Variants in TEN1 observed in about 807,000 individuals in gnomAD.
TEN1 encodes TEN1 subunit of CST complex.
A neutral mutation model predicts 9.3 loss-of-function variants in TEN1; 6 were observed. That is an observed-to-expected ratio of 0.65 (90% confidence interval 0.35 to 1.27). The LOEUF is 1.27. Ranked by LOEUF, TEN1 falls within the 50% of genes most tolerant of loss-of-function variation. The probability of loss-of-function intolerance (pLI) is 0.03; values close to 1 mark genes in which losing one functional copy is unlikely to be tolerated. For synonymous variants in TEN1, 65 were observed against 65.6 expected (o/e 0.99, Z 0.04); for missense variants, 149 against 158.2 (o/e 0.94, Z 0.31).
At chr17:75,993,824 G>A (rs573832418) in intron 3 of TEN1, among the ~76,000 whole-genome samples, 52 of 152,074 alleles carry the variant, frequency 3.4e-4, no homozygotes, top group African/African-American at 1.1e-3. Context: ...GCGAAACCCC[G>A]TCTCTACTAA....
chr17:75,991,690 C>G, intron 3 of TEN1, 67 bp downstream of exon 3: 1 of 1,505,280 alleles, frequency 6.6e-7, no homozygotes, highest in Non-Finnish European at 8.9e-7. Context: ...TCGGGGCAGT[C>G]AGTGAGAAAT....
intron 1 of TEN1, among the ~76,000 whole-genome samples, chr17:75,984,007 G>A (rs1233807246): frequency 6.6e-6 from 1 of 152,126 alleles, no homozygotes; most frequent in African/African-American, 2.4e-5. Context: ...AGCAGAGTTC[G>A]GGCTTCTCTG....
At chr17:75,982,576 A>G (rs932224564) in intron 1 of TEN1, among the ~76,000 whole-genome samples, 11 of 152,184 alleles carry the variant, frequency 7.2e-5, no homozygotes, top group African/African-American at 2.4e-4. Context: ...GTATTTGATC[A>G]TAGTTTTGCT....
Position 75,988,547 on chromosome 17 carries a change from G to A in TEN1, c.92+2263G>A, listed in dbSNP as rs775150919. On this transcript the variant is annotated intron_variant, in intron 2 of 3. Transcript: ENST00000397640. Reference sequence around the variant, plus strand: ...ACTGTACTTTATCCTGGGTGACAGAGTGAGATCCTGCCTCAAAAAAAAAAA... The same window carrying A: ...ACTGTACTTTATCCTGGGTGACAGAATGAGATCCTGCCTCAAAAAAAAAAA... Among the ~76,000 whole-genome samples the A allele has an allele frequency of 1.2e-3, 140 of 114,802 alleles. No homozygotes were observed. The Middle Eastern group carries it at 0.038, about 31-fold the overall frequency. The allele number at this position is 114,802 out of a possible 152,430, so 75.3% of individuals were successfully genotyped here.
At chr17:75,991,868 G>A (rs570900967) in intron 3 of TEN1, among the ~76,000 whole-genome samples, 29 of 152,202 alleles carry the variant, frequency 1.9e-4, no homozygotes, top group African/African-American at 5.5e-4. Flanking sequence ...CCAACATGGC[G>A]AAACCCCATC....
intron 1 of TEN1, among the ~76,000 whole-genome samples, chr17:75,980,656 C>A (rs147591724): frequency 1.3e-5 from 2 of 152,314 alleles, no homozygotes; most frequent in African/African-American, 2.4e-5. Context: ...AATTCCTGAC[C>A]TGTTGATCCA....
intron 3 of TEN1, among the ~76,000 whole-genome samples, chr17:75,994,887 C>T (rs2066209684): frequency 6.6e-6 from 1 of 152,090 alleles, no homozygotes; most frequent in East Asian, 1.9e-4. Context: ...CCACCCTGAC[C>T]TCTGGCCTGG....
At chr17:75,996,721 AAAG>A (rs1244465331) in intron 3 of TEN1, among the ~76,000 whole-genome samples, 4 of 143,232 alleles carry the variant, frequency 2.8e-5, no homozygotes, top group Non-Finnish European at 3.0e-5. Context: ...AAAAAAAAAA[AAAG>A]AGAGAGAGAA....
intron 2 of TEN1, among the ~76,000 whole-genome samples, chr17:75,987,023 T>C (rs2066156637): frequency 6.6e-6 from 1 of 152,204 alleles, no homozygotes. Flanking sequence ...AGGGTATCCC[T>C]ATATTCTCAA....
At position 76,000,117 on chromosome 17, in the gene TEN1, C is replaced by A; in HGVS notation, c.251-24C>A. On this transcript the variant is annotated intron_variant, in intron 3 of 3. Coordinates refer to ENST00000397640, the MANE Select transcript of TEN1 (RefSeq NM_001113324.3). This position sits in a 1 kb window ranked among gnomAD's most constrained non-coding sequence, Gnocchi z 5.9. ...GTTGACACGCCGCTCAGTCGCCGTT[C>A]GTGCCCTGGTGTTTGTCTTGCAGAC... 6.5e-7 allele frequency: 1 copy of A among 1,548,260 alleles called. No homozygotes were observed. Among genetic ancestry groups the A allele is most frequent in the Non-Finnish European group, 8.7e-7 (1 of 1,144,708 alleles).
chr17:75,979,386 G>C lies in TEN1; in HGVS notation c.-132G>C. 1 of 518,712 alleles carries C rather than the reference G, an allele frequency of 1.9e-6. No individual in the cohort carries two copies. Among genetic ancestry groups the C allele is most frequent in the South Asian group, 2.0e-5 (1 of 49,154 alleles). The allele number at this position is 518,712 out of a possible 1,614,324, so 32.1% of individuals were successfully genotyped here. ...TCGGGAAAGGGGCTCCGAAGGTCAA[G>C]AAACTGCCCTGCTGGGCGTCCGGGG... On this transcript the variant is annotated 5_prime_UTR_variant, in exon 1 of 4. Coordinates refer to ENST00000397640, the MANE Select transcript of TEN1 (RefSeq NM_001113324.3).
rs1051915051 is a variant in TEN1 at position 75,986,247 on chromosome 17, C to T, written c.55C>T (p.Gln19Ter). 3 of 1,549,900 alleles carry T rather than the reference C, an allele frequency of 1.9e-6. No homozygotes were observed. Among genetic ancestry groups the T allele is most frequent in the Non-Finnish European group, 2.6e-6 (3 of 1,146,234 alleles). The change falls in exon 2 of 4, where the codon CAA (glutamine) becomes TAA (stop). Residue 19 changes from glutamine to a stop codon, truncating the protein, a stop_gained. Transcript: ENST00000397640. LOFTEE classifies it high-confidence loss of function. ...YYLPWEVSAG[Q>*]VPDGSTLRTF... Reference sequence around the variant, plus strand: ...CCTCCCCTGGGAGGTTAGTGCAGGCCAAGTTCCTGATGGGAGCACGCTGAG... The same window carrying T: ...CCTCCCCTGGGAGGTTAGTGCAGGCTAAGTTCCTGATGGGAGCACGCTGAG...
At chr17:75,979,619 G>T (rs1598207651) in intron 1 of TEN1, 108 bp downstream of exon 1, 1 of 197,688 alleles carries the variant, frequency 5.1e-6, no homozygotes, top group Non-Finnish European at 1.1e-5. Context: ...CCGGGTCCGT[G>T]CCCCTAGGCC....
chr17:75,997,129 C>G (rs1014541235), intron 3 of TEN1, among the ~76,000 whole-genome samples: 1 of 152,170 alleles, frequency 6.6e-6, no homozygotes, highest in Admixed American at 6.5e-5. Context: ...GACTCCCGGG[C>G]TTTCTCCCCC....
intron 3 of TEN1, among the ~76,000 whole-genome samples, chr17:75,999,740 C>T (rs1402404996): frequency 6.6e-6 from 1 of 152,152 alleles, no homozygotes; most frequent in Non-Finnish European, 1.5e-5. Flanking sequence ...CAGGTCACCA[C>T]CGCATCTGCT....
chr17:75,979,301 G>T lies in TEN1; in HGVS notation c.-217G>T. On this transcript the variant is annotated 5_prime_UTR_variant, in exon 1 of 4. Coordinates refer to ENST00000397640, the MANE Select transcript of TEN1 (RefSeq NM_001113324.3). Reference sequence around the variant, plus strand: ...GGGCGATGTCCGCGTCGTGGCTGGGGCCGGTCGCGGGGCAGACTAATCCCC... The same window carrying T: ...GGGCGATGTCCGCGTCGTGGCTGGGTCCGGTCGCGGGGCAGACTAATCCCC... 1.5e-6 allele frequency: 1 copy of T among 645,488 alleles called. No homozygotes were observed. Among genetic ancestry groups the T allele is most frequent in the South Asian group, 1.8e-5 (1 of 55,258 alleles). 40.0% of individuals were successfully genotyped at this position (645,488 alleles called of 1,614,324 possible).
In TEN1 at chr17:76,000,462, C is replaced by T. The variant is rs2066248104; in HGVS notation, c.*200C>T. On this transcript the variant is annotated 3_prime_UTR_variant, in exon 4 of 4. Coordinates refer to ENST00000397640, the MANE Select transcript of TEN1 (RefSeq NM_001113324.3). This position sits in a 1 kb window ranked among gnomAD's most constrained non-coding sequence, Gnocchi z 5.9. ...AGAACCCAGAAAGCATGCCATAAAT[C>T]CGACAGCCCCACCCCAGGAGACTGC... 1 of 803,994 alleles carries T rather than the reference C, an allele frequency of 1.2e-6. No individual in the cohort carries two copies. Among genetic ancestry groups the T allele is most frequent in the Non-Finnish European group, 1.9e-6 (1 of 537,970 alleles). The allele number at this position is 803,994 out of a possible 1,614,324, so 49.8% of individuals were successfully genotyped here.
intron 3 of TEN1, among the ~76,000 whole-genome samples, chr17:75,997,369 A>C (rs1040456196): frequency 6.6e-6 from 1 of 151,904 alleles, no homozygotes; most frequent in Non-Finnish European, 1.5e-5. Context: ...CCCCGGCGCC[A>C]CCACAGCTAG....
rs1251492109 is a variant in TEN1, at chr17:75,991,506, A to G, written c.133A>G (p.Met45Val). Residue 45 changes from methionine to valine, a missense_variant, in exon 3 of 4, where the codon ATG becomes GTG. By Grantham distance (21) the Met-to-Val change is conservative (BLOSUM62 1). Coordinates refer to ENST00000397640, the MANE Select transcript of TEN1 (RefSeq NM_001113324.3). ...YDMIQSRVTL[M>V]AQHGSDQHQV... ...CATGATTCAGTCCAGAGTAACACTG[A>G]TGGCTCAGCACGGATCCGATCAGCA... is the stretch of plus-strand genomic sequence containing the variant. 2.6e-6 allele frequency: 4 copies of G among 1,552,340 alleles called. No homozygotes were observed. The South Asian group carries it at 4.8e-5, about 18-fold the overall frequency.
Sources: gnomAD v4.1 joint callset for allele counts (sites outside exome capture counted in the v4.1 genomes callset) on GRCh38, gnomAD v4.1.1 for gene constraint, Gnocchi (gnomAD v3.1) non-coding constraint, MANE v1.5 for transcripts, NCBI Gene and HGNC (gene_info 2026-07-23, HGNC 2026-07-21) for gene names.